WDHD1: variants seen among roughly 807,000 people sequenced by gnomAD.
The protein encoded by WDHD1 is WD repeat and HMG-box DNA-binding protein 1.
In WDHD1, 111 loss-of-function variants were observed where a neutral mutation model predicts 135.4. That is an observed-to-expected ratio of 0.82 (90% CI 0.70 to 0.96). The LOEUF (loss-of-function observed/expected upper bound fraction) is 0.96. Among genes scored for constraint, WDHD1 ranks in the 40% least tolerant of loss-of-function variants. WDHD1 has a pLI of 0.00. For synonymous variants in WDHD1, 434 were observed against 439.0 expected, an observed-to-expected ratio of 0.99 and a Z score of 0.14; for missense variants, 1,351 against 1,336.3, an observed-to-expected ratio of 1.01 and a Z score of -0.17.
intron 23 of WDHD1, among the ~76,000 whole-genome samples, chr14:54,956,206 T>C (rs1233713910): frequency 2.6e-5 from 4 of 152,144 alleles, no homozygotes; most frequent in Admixed American, 6.6e-5. Context: ...ATTAGGGCCA[T>C]GTACAATATC....
intron 16 of WDHD1, among the ~76,000 whole-genome samples, chr14:54,976,526 G>A (rs1279128534): frequency 6.6e-6 from 1 of 152,144 alleles, no homozygotes; most frequent in African/African-American, 2.4e-5. Context: ...GCCAAAATAG[G>A]TAAGGCTCTT....
intron 10 of WDHD1, among the ~76,000 whole-genome samples, chr14:54,996,369 A>G (rs968085919): frequency 6.6e-5 from 10 of 152,154 alleles, no homozygotes; most frequent in African/African-American, 2.4e-4. Context: ...GCACTTTGGG[A>G]AGCCGAAGCA....
chr14:55,009,993 TG>T (rs11351246), intron 4 of WDHD1, among the ~76,000 whole-genome samples: 42,956 of 151,110 alleles, frequency 0.28, 6,147 homozygotes, highest in South Asian at 0.31. Context: ...GCTAATTTTT[TG>T]TATTAGTAGA....
At chr14:54,967,089 T>A (rs1566716545) in intron 17 of WDHD1, among the ~76,000 whole-genome samples, 191 bp downstream of exon 17, 1 of 152,140 alleles carries the variant, frequency 6.6e-6, no homozygotes, top group East Asian at 1.9e-4. Flanking sequence ...GTAGACAAAG[T>A]CCCTGGAAGC....
chr14:55,026,648 T>A (rs1220746970), intron 2 of WDHD1, 63 bp downstream of exon 2: 2 of 1,532,994 alleles, frequency 1.3e-6, no homozygotes, highest in Non-Finnish European at 9.0e-7. Flanking sequence ...ACTGCACATA[T>A]AAAGTTTAAG....
intron 16 of WDHD1, among the ~76,000 whole-genome samples, chr14:54,977,912 GAAA>G (rs11365009): frequency 2.1e-5 from 3 of 141,386 alleles, no homozygotes; most frequent in Admixed American, 7.0e-5. Flanking sequence ...GGGTTGTGTG[GAAA>G]AAAAAAAAAA....
chr14:54,992,439 G>A (rs1421277926), intron 11 of WDHD1, among the ~76,000 whole-genome samples: 1 of 152,188 alleles, frequency 6.6e-6, no homozygotes, highest in East Asian at 1.9e-4. Context: ...GCAGTGAACC[G>A]AGATCGTGCC....
At chr14:54,941,724 T>G (rs983821351) in intron 25 of WDHD1, 34 bp from the exon 26 acceptor site, 2 of 1,542,812 alleles carry the variant, frequency 1.3e-6, no homozygotes, top group African/African-American at 1.4e-5. Flanking sequence ...AAGGAAAGAT[T>G]TTTAGAAAAT....
chr14:54,979,559 CAG>C (rs2041584127), intron 16 of WDHD1, among the ~76,000 whole-genome samples: 1 of 152,178 alleles, frequency 6.6e-6, no homozygotes, highest in Non-Finnish European at 1.5e-5. Context: ...TCACTTTTAT[CAG>C]AGTCACCGTT....
chr14:54,997,837 G>C (rs2041910471), intron 10 of WDHD1, among the ~76,000 whole-genome samples: 1 of 151,534 alleles, frequency 6.6e-6, no homozygotes, highest in South Asian at 2.1e-4. Context: ...CTTGAACCCG[G>C]GAAGCAGAGG....
intron 16 of WDHD1, among the ~76,000 whole-genome samples, chr14:54,977,408 T>C (rs892337550): frequency 1.3e-5 from 2 of 152,182 alleles, no homozygotes; most frequent in Non-Finnish European, 2.9e-5. Context: ...TAAAATAAAA[T>C]TTTCAGGTCT....
intron 23 of WDHD1, 137 bp downstream of exon 23, chr14:54,956,897 C>G (rs921435844): frequency 1.8e-6 from 2 of 1,102,700 alleles, no homozygotes; most frequent in Non-Finnish European, 2.5e-6. Flanking sequence ...GCTGCAAAAA[C>G]AGAATTGAAC....
chr14:54,983,717 C>T (rs1470948506), intron 15 of WDHD1, among the ~76,000 whole-genome samples: 2 of 151,774 alleles, frequency 1.3e-5, no homozygotes. Flanking sequence ...TGGGATCTCA[C>T]TATGTTGCCC....
intron 16 of WDHD1, among the ~76,000 whole-genome samples, chr14:54,968,680 A>C (rs1053569615): frequency 6.6e-6 from 1 of 152,200 alleles, no homozygotes; most frequent in Non-Finnish European, 1.5e-5. Flanking sequence ...GGCAAAGGTG[A>C]CACTACAACT....
At chr14:54,994,926 T>C (rs2041852673) in intron 11 of WDHD1, among the ~76,000 whole-genome samples, 1 of 152,178 alleles carries the variant, frequency 6.6e-6, no homozygotes, top group Non-Finnish European at 1.5e-5. Context: ...TCTATGTTAG[T>C]AATTTGTGTC....
intron 23 of WDHD1, among the ~76,000 whole-genome samples, chr14:54,956,231 A>G (rs2140160015): frequency 6.6e-6 from 1 of 152,314 alleles, no homozygotes; most frequent in South Asian, 2.1e-4. Flanking sequence ...ACTATTAAAT[A>G]CGAATATACA....
At chr14:54,945,655 C>T (rs968394801) in intron 24 of WDHD1, among the ~76,000 whole-genome samples, 1 of 152,184 alleles carries the variant, frequency 6.6e-6, no homozygotes, top group East Asian at 1.9e-4. Context: ...ATTCTCCTGC[C>T]TCAGCCTCCC....
rs1274645016 is a variant in WDHD1 at position 55,026,897 on chromosome 14, C to A, written c.-16-94G>T. 6.6e-6 allele frequency: 8 copies of A among 1,215,006 alleles called. No individual in the cohort carries two copies. In the East Asian group the frequency reaches 1.7e-4, roughly 25 times the overall value. The allele number at this position is 1,215,006 out of a possible 1,614,324, so 75.3% of individuals were successfully genotyped here. ...AGAGAGCTTAGTCTCCTCTAGGGCC[C>A]GTTCTCCGCAGCCCGGTTTCCCCCA... On this transcript the variant is annotated intron_variant, in intron 1 of 25. Transcript: ENST00000360586.
chr14:54,958,173 C>A (rs1295639170), intron 21 of WDHD1, among the ~76,000 whole-genome samples: 1 of 151,258 alleles, frequency 6.6e-6, no homozygotes, highest in Non-Finnish European at 1.5e-5. Flanking sequence ...GTTGCCCAAG[C>A]TGGAGGGCAA....
Sources: allele counts gnomAD v4.1 joint callset (sites outside exome capture counted in the v4.1 genomes callset), GRCh38; gene constraint gnomAD v4.1.1; transcripts MANE v1.5; gene names NCBI Gene and HGNC (gene_info 2026-07-23, HGNC 2026-07-21).